AGO3: variants seen among roughly 807,000 people sequenced by gnomAD.
The protein encoded by AGO3 is argonaute RISC catalytic component 3.
AGO3 carries 16 observed loss-of-function variants against 105.5 expected under a neutral mutation model. That is an observed-to-expected ratio of 0.15 (90% confidence interval 0.10 to 0.23). The LOEUF is 0.23. AGO3 is among the 10% of genes least tolerant of loss of function. The probability of loss-of-function intolerance (pLI) is 1.00; values close to 1 mark genes in which losing one functional copy is unlikely to be tolerated. For synonymous variants in AGO3, 340 were observed against 367.3 expected (o/e 0.93, Z 0.85); for missense variants, 534 against 1,088.0 (o/e 0.49, Z 7.16).
chr1:35,995,771 G>C (rs1382114049), intron 5 of AGO3, among the ~76,000 whole-genome samples: 2 of 152,014 alleles, frequency 1.3e-5, no homozygotes, highest in Non-Finnish European at 2.9e-5. Context: ...TCTGCCTCCC[G>C]AGTCCAAGTG....
upstream of AGO3, chr1:35,931,040 G>A (rs1301548637): frequency 7.9e-6 from 3 of 377,696 alleles, no homozygotes; most frequent in Non-Finnish European, 1.4e-5. Context: ...CAGAGGCGAG[G>A]CGAGGACGCC....
chr1:36,008,923 A>C lies in AGO3; in HGVS notation c.908A>C (p.Gln303Pro). ...QTFPLQLENGQTVERTVAQYF... is the reference protein window; with the variant it reads ...QTFPLQLENGPTVERTVAQYF... ...TTTCCTTTACAGTTAGAAAACGGCC[A>C]AACTGTGGAGAGAACAGTAGCGCAG... Residue 303 changes from glutamine (Q) to proline (P), a missense_variant, in exon 8 of 19, where the codon CAA becomes CCA. Around this residue, in one of 2 missense-constraint regions of AGO3, gnomAD observed 373 missense variants for 854.0 expected, o/e 0.44. Transcript: ENST00000373191. The surrounding 1 kb of genome is among the most constrained non-coding windows in gnomAD (Gnocchi z 5.1). 1 of 1,613,916 alleles carries C rather than the reference A, an allele frequency of 6.2e-7. No homozygotes were observed. The highest frequency in any genetic ancestry group is 8.5e-7 in the Non-Finnish European group (1 of 1,180,032).
chr1:35,957,615 A>G lies in AGO3; in HGVS notation c.192-9340A>G, dbSNP rs184234790. ...GTGGCACGTGCTTGTAATCCCAGCTACTCGGGAGGCTGAGGCATGAGAATT... is the reference window on the plus strand; with the variant it reads ...GTGGCACGTGCTTGTAATCCCAGCTGCTCGGGAGGCTGAGGCATGAGAATT... On this transcript the variant is annotated intron_variant, in intron 2 of 18. Coordinates refer to ENST00000373191, the MANE Select transcript of AGO3 (RefSeq NM_024852.4). Among the ~76,000 whole-genome samples, 64 of 151,446 alleles carry G rather than the reference A, an allele frequency of 4.2e-4. 1 individual carries two copies. The East Asian group carries it at 0.01, about 24-fold the overall frequency.
intron 5 of AGO3, among the ~76,000 whole-genome samples, chr1:35,988,696 T>G (rs1277118436): frequency 6.6e-6 from 1 of 152,164 alleles, no homozygotes; most frequent in Non-Finnish European, 1.5e-5. Flanking sequence ...TCGCTTAGGT[T>G]GTTTCCATAT....
At chr1:36,042,414 A>T (rs1642286945) in intron 16 of AGO3, among the ~76,000 whole-genome samples, 1 of 152,140 alleles carries the variant, frequency 6.6e-6, no homozygotes, top group South Asian at 2.1e-4. Context: ...TAATTAGAAG[A>T]TTTACGTGTT....
chr1:35,936,843 A>T (rs1646157378), intron 1 of AGO3, among the ~76,000 whole-genome samples: 1 of 152,148 alleles, frequency 6.6e-6, no homozygotes, highest in Non-Finnish European at 1.5e-5. Context: ...AAATGCTGGG[A>T]TTGCAGGAGT....
At position 35,935,028 on chromosome 1, in the gene AGO3, T is replaced by C. The variant is rs370133831; in HGVS notation, c.19+3583T>C. ...CAAATTACTGCTCTGTCTGTGGGCA[T>C]GAATTTTGAAAGTGATAAAGGTTTT... is the stretch of plus-strand genomic sequence containing the variant. On this transcript the variant is annotated intron_variant, in intron 1 of 18. Coordinates refer to ENST00000373191, the MANE Select transcript of AGO3 (RefSeq NM_024852.4). Among the ~76,000 whole-genome samples the C allele has an allele frequency of 6.6e-5, 10 of 152,342 alleles. No individual in the cohort carries two copies. In the South Asian group the frequency reaches 1.0e-3, roughly 16 times the overall value.
chr1:35,979,256 T>G (rs1569586851), intron 5 of AGO3, among the ~76,000 whole-genome samples: 1 of 151,998 alleles, frequency 6.6e-6, no homozygotes, highest in East Asian at 1.9e-4. Context: ...CCCAGCTACT[T>G]GGGAGGCTGA....
intron 14 of AGO3, among the ~76,000 whole-genome samples, chr1:36,038,250 TTC>T (rs1185736430): frequency 5.3e-5 from 5 of 94,318 alleles, no homozygotes; most frequent in Admixed American, 4.7e-4. Flanking sequence ...TCTGGATTTA[TTC>T]TTTTTTTTTT....
intron 5 of AGO3, among the ~76,000 whole-genome samples, chr1:35,977,249 A>T (rs141020230): frequency 1.3e-5 from 2 of 148,808 alleles, no homozygotes; most frequent in African/African-American, 5.0e-5. Context: ...TACCCATAAA[A>T]ATTTTTTTTT....
chr1:35,967,735 A>ATTAAAT (rs1274584570), intron 3 of AGO3, among the ~76,000 whole-genome samples: 69 of 152,158 alleles, frequency 4.5e-4, no homozygotes, highest in Non-Finnish European at 1.5e-4. Flanking sequence ...ACTTTAATGT[A>ATTAAAT]TATTCCTAAG....
rs1643107272 is a variant in AGO3 at position 36,067,276 on chromosome 1, G to C, written c.*11531G>C. On this transcript the variant is annotated 3_prime_UTR_variant, in exon 19 of 19. Coordinates refer to ENST00000373191, the MANE Select transcript of AGO3 (RefSeq NM_024852.4). ...CCGACCCAGTTCATGGATACAGTTT[G>C]ATCCCAGGGAGTTTAACAAAAGGAA... The C allele has an allele frequency of 6.6e-6, 1 of 152,214 alleles. No individual in the cohort carries two copies. The highest frequency in any genetic ancestry group is 2.4e-5 in the African/African-American group (1 of 41,454). 9.4% of individuals were successfully genotyped at this position (152,214 alleles called of 1,614,324 possible).
chr1:35,991,789 T>C (rs1470129793), intron 5 of AGO3, among the ~76,000 whole-genome samples: 1 of 152,124 alleles, frequency 6.6e-6, no homozygotes, highest in African/African-American at 2.4e-5. Context: ...TATCCTCTCT[T>C]AGCTCTCTGA....
intron 5 of AGO3, among the ~76,000 whole-genome samples, chr1:36,000,106 A>G (rs1640015518): frequency 6.6e-6 from 1 of 152,124 alleles, no homozygotes; most frequent in South Asian, 2.1e-4. Flanking sequence ...TTCCTGTAAC[A>G]TGTTAATGTA....
intron 6 of AGO3, among the ~76,000 whole-genome samples, chr1:36,005,144 T>G (rs946416178): frequency 3.3e-5 from 5 of 152,212 alleles, no homozygotes; most frequent in African/African-American, 1.2e-4. Flanking sequence ...TTTAGTCTGA[T>G]ACTCCCTAAT....
intron 5 of AGO3, among the ~76,000 whole-genome samples, chr1:35,989,003 G>A (rs987938583): frequency 1.3e-5 from 2 of 152,138 alleles, no homozygotes; most frequent in Non-Finnish European, 2.9e-5. Flanking sequence ...CTTGTACGTG[G>A]TATATGCACT....
intron 2 of AGO3, among the ~76,000 whole-genome samples, chr1:35,952,259 C>T (rs1055812915): frequency 6.6e-6 from 1 of 150,876 alleles, no homozygotes; most frequent in African/African-American, 2.4e-5. Flanking sequence ...CAGTTCTCCT[C>T]AGCCTCCCAA....
chr1:35,980,137 A>C (rs1647026715), intron 5 of AGO3, among the ~76,000 whole-genome samples: 1 of 152,156 alleles, frequency 6.6e-6, no homozygotes. Flanking sequence ...TCTGTTTTAA[A>C]GCAGTCTTTT....
Position 36,057,749 on chromosome 1 carries a change from G to A in AGO3, c.*2004G>A, listed in dbSNP as rs1642970503. On this transcript the variant is annotated 3_prime_UTR_variant, in exon 19 of 19. Transcript: ENST00000373191. Reference sequence around the variant, plus strand: ...CCTAGCACTTTGGGAGGCTGAGACAGGTATATCACCGGAGCTCAGGAGTTT... The same window carrying A: ...CCTAGCACTTTGGGAGGCTGAGACAAGTATATCACCGGAGCTCAGGAGTTT... 1 of 152,202 alleles carries A rather than the reference G, an allele frequency of 6.6e-6. No homozygotes were observed. The highest frequency in any genetic ancestry group is 6.6e-5 in the Admixed American group (1 of 15,264). The allele number at this position is 152,202 out of a possible 1,614,324, so 9.4% of individuals were successfully genotyped here. A position where few individuals can be genotyped will look rare whatever the true frequency, so the allele number is the denominator to read the frequency against.
Sources: gnomAD v4.1 joint callset for allele counts (sites outside exome capture counted in the v4.1 genomes callset) on GRCh38, gnomAD v4.1.1 for gene constraint, gnomAD v4.1.1 regional missense constraint, Gnocchi (gnomAD v3.1) non-coding constraint, MANE v1.5 for transcripts, NCBI Gene and HGNC (gene_info 2026-07-23, HGNC 2026-07-21) for gene names.